ERCC1: variants seen among roughly 807,000 people sequenced by gnomAD.
The protein encoded by ERCC1 is ERCC excision repair 1, endonuclease non-catalytic subunit.
ERCC1 carries 36 observed loss-of-function variants against 37.6 expected under a neutral mutation model. The observed-to-expected ratio is 0.96, with a 90% CI of 0.73 to 1.26. The LOEUF (loss-of-function observed/expected upper bound fraction) is 1.26. Ranked by LOEUF, ERCC1 falls within the 50% of genes most tolerant of loss-of-function variation. The pLI is 0.00. For missense variants in ERCC1, 349 were observed against 376.5 expected (o/e 0.93, Z 0.60); for synonymous variants, 156 against 162.1 (o/e 0.96, Z 0.28).
rs1973482669 is a variant in ERCC1 at position 45,408,453 on chromosome 19, G to A, written c.*1222C>T. On this transcript the variant is annotated 3_prime_UTR_variant, in exon 10 of 10. Coordinates refer to ENST00000300853, the MANE Select transcript of ERCC1 (RefSeq NM_001983.4). Reference sequence around the variant, plus strand: ...GGCAACCCACCAGTCACAGGGCCTAGGTCAGCCTTGGCCCCCAACCTGCTC... The same window carrying A: ...GGCAACCCACCAGTCACAGGGCCTAAGTCAGCCTTGGCCCCCAACCTGCTC... 1.2e-6 allele frequency: 2 copies of A among 1,613,838 alleles called. No individual in the cohort carries two copies. The highest frequency in any genetic ancestry group is 1.7e-5 in the Admixed American group (1 of 60,010).
In ERCC1 at chr19:45,408,570, T is replaced by G; in HGVS notation, c.*1105A>C. Reference sequence around the variant, plus strand: ...GGGCACGGGGCCCTGGAGGTGGACATGGCTTTGGGGTCGCCAGAAATGGAT... The same window carrying G: ...GGGCACGGGGCCCTGGAGGTGGACAGGGCTTTGGGGTCGCCAGAAATGGAT... On this transcript the variant is annotated 3_prime_UTR_variant, in exon 10 of 10. Coordinates refer to ENST00000300853, the MANE Select transcript of ERCC1 (RefSeq NM_001983.4). The G allele has an allele frequency of 6.2e-7, 1 of 1,613,642 alleles. No homozygotes were observed. Among genetic ancestry groups the G allele is most frequent in the South Asian group, 1.1e-5 (1 of 91,064 alleles).
At chr19:45,413,444 G>T in intron 9 of ERCC1, 4 of 808,824 alleles carry the variant, frequency 4.9e-6, no homozygotes, top group East Asian at 2.6e-5. Flanking sequence ...TGCCCAGCTA[G>T]TTTTTTTTAT....
chr19:45,423,222 T>C, intron 2 of ERCC1, 48 bp downstream of exon 2: 1 of 1,564,428 alleles, frequency 6.4e-7, no homozygotes, highest in Non-Finnish European at 8.7e-7. Flanking sequence ...ATCCTCTTCG[T>C]CCTAACAGCC....
intron 2 of ERCC1, 139 bp downstream of exon 2, chr19:45,423,131 G>T: frequency 1.3e-6 from 1 of 771,860 alleles, no homozygotes; most frequent in Non-Finnish European, 2.1e-6. Context: ...GGGACCTGGG[G>T]AGGACCAAGG....
rs1005477263 is a variant in ERCC1, at chr19:45,434,014, G to A, written c.-7-10633C>T. Among the ~76,000 whole-genome samples, 12 of 151,616 alleles carry A rather than the reference G, an allele frequency of 7.9e-5. No individual in the cohort carries two copies. In the East Asian group the frequency reaches 1.9e-3, roughly 25 times the overall value. On this transcript the variant is annotated intron_variant, in intron 1 of 8. Coordinates refer to the ERCC1 transcript ENST00000423698. ...AAATTAGTCAGGCATGGTGGCATGC[G>A]CCTGTAGTCCCAGCTACTCGGGAGG...
chr19:45,414,791 G>A, intron 7 of ERCC1, 70 bp downstream of exon 7: 1 of 1,075,726 alleles, frequency 9.3e-7, no homozygotes, highest in Non-Finnish European at 1.4e-6. Context: ...CCTTAAAATT[G>A]GAACTGAAGC....
At chr19:45,415,313 C>A in intron 6 of ERCC1, among the ~76,000 whole-genome samples, 1 of 119,278 alleles carries the variant, frequency 8.4e-6, no homozygotes, top group Non-Finnish European at 1.6e-5. Flanking sequence ...CCCGCTTGGG[C>A]AACAAGAGTG....
chr19:45,435,199 G>A (rs1747177536), intron 1 of ERCC1, among the ~76,000 whole-genome samples: 1 of 152,178 alleles, frequency 6.6e-6, no homozygotes, highest in South Asian at 2.1e-4. Context: ...TTACAGGCAT[G>A]AGCCACTGTG....
chr19:45,413,619 G>A (rs1478856928), intron 9 of ERCC1, 58 bp downstream of exon 9: 2 of 1,614,116 alleles, frequency 1.2e-6, no homozygotes, highest in African/African-American at 1.3e-5. Context: ...CTCAGGTTGT[G>A]TTTATTTGGG....
intron 4 of ERCC1, 30 bp from the exon 5 acceptor site, chr19:45,419,227 G>T: frequency 1.4e-6 from 2 of 1,472,540 alleles, no homozygotes; most frequent in Non-Finnish European, 9.3e-7. Flanking sequence ...GGAGTTGAGA[G>T]GTCTCAGTCT....
intron 2 of ERCC1, among the ~76,000 whole-genome samples, chr19:45,422,593 C>T (rs1599842282): frequency 6.6e-6 from 1 of 151,926 alleles, no homozygotes; most frequent in East Asian, 1.9e-4. Context: ...TGGTGAAACC[C>T]GTCTCTACTA....
chr19:45,428,198 A>G (rs954497322), upstream of ERCC1, among the ~76,000 whole-genome samples: 3 of 135,328 alleles, frequency 2.2e-5, no homozygotes, highest in Admixed American at 8.1e-5. Flanking sequence ...ATCCTCCCAC[A>G]TCAGCTTACC....
In ERCC1 at chr19:45,419,211, G is replaced by C. The variant is rs753376509; in HGVS notation, c.426-14C>G. On this transcript the variant is annotated splice_polypyrimidine_tract_variant and intron_variant, in intron 4 of 9. Transcript: ENST00000300853. The stretch of plus-strand genomic sequence containing the variant: ...TGGTAGCGGAGGCTGGTGGGGGCAG[G>C]GAGCGGGAGTTGAGAGGTCTCAGTC... 6.4e-7 allele frequency: 1 copy of C among 1,566,984 alleles called. No individual in the cohort carries two copies. The highest frequency in any genetic ancestry group is 1.4e-5 in the African/African-American group (1 of 74,012).
intron 5 of ERCC1, among the ~76,000 whole-genome samples, chr19:45,417,322 G>C: frequency 6.6e-6 from 1 of 152,170 alleles, no homozygotes; most frequent in South Asian, 2.1e-4. Context: ...TGATGATCTG[G>C]AGTGGCCAGG....
At chr19:45,426,014 C>T (rs533546533), upstream of ERCC1, among the ~76,000 whole-genome samples, 29 of 151,596 alleles carry the variant, frequency 1.9e-4, no homozygotes, top group East Asian at 5.9e-4. Flanking sequence ...GAGGCCTAGG[C>T]GGGTGGATCA....
upstream of ERCC1, chr19:45,424,066 C>T (rs962042499): frequency 3.8e-6 from 4 of 1,042,284 alleles, no homozygotes; most frequent in South Asian, 9.2e-5. Context: ...AGTTTCAAAG[C>T]CCTTACTGAG....
At chr19:45,427,857 AC>A (rs557739762), upstream of ERCC1, among the ~76,000 whole-genome samples, 87 of 152,086 alleles carry the variant, frequency 5.7e-4, 2 homozygotes, top group African/African-American at 2.0e-3. Context: ...CGGGGGCAGG[AC>A]CCCCTAGAAG....
chr19:45,450,363 C>T (rs1478440716), intron 1 of ERCC1, among the ~76,000 whole-genome samples: 1 of 152,234 alleles, frequency 6.6e-6, no homozygotes, highest in Non-Finnish European at 1.5e-5. Flanking sequence ...CCTCCAATCC[C>T]CTAAACCTTC....
chr19:45,430,190 A>C (rs1168119483), intron 1 of ERCC1, among the ~76,000 whole-genome samples: 3 of 152,234 alleles, frequency 2.0e-5, no homozygotes, highest in African/African-American at 7.2e-5. Flanking sequence ...GCTGCCCAGC[A>C]CAGGACAGGC....
Sources: allele counts gnomAD v4.1 joint callset (sites outside exome capture counted in the v4.1 genomes callset), GRCh38; gene constraint gnomAD v4.1.1; transcripts MANE v1.5; gene names NCBI Gene and HGNC (gene_info 2026-07-23, HGNC 2026-07-21).